TTLL11: variants seen among roughly 807,000 people sequenced by gnomAD.
TTLL11 encodes tubulin tyrosine ligase like 11.
A neutral mutation model predicts 51.7 loss-of-function variants in TTLL11; 42 were observed. The ratio of observed to expected loss-of-function variants is 0.81; its 90% CI spans 0.64 to 1.05. The LOEUF is 1.05. TTLL11 is among the 50% of genes least tolerant of loss of function. The probability of loss-of-function intolerance (pLI) is 0.00; values close to 1 mark genes in which losing one functional copy is unlikely to be tolerated. For missense variants in TTLL11, 799 were observed against 940.4 expected (o/e 0.85, Z 1.97); for synonymous variants, 381 against 383.5 (o/e 0.99, Z 0.08).
intron 8 of TTLL11, among the ~76,000 whole-genome samples, chr9:121,831,669 C>T (rs759026142): frequency 4.0e-4 from 60 of 149,526 alleles, no homozygotes; most frequent in Non-Finnish European, 6.3e-4. Context: ...CACTTTACTC[C>T]AGCCTGGGCA....
intron 3 of TTLL11, among the ~76,000 whole-genome samples, chr9:122,010,354 C>A (rs1056623143): frequency 6.6e-6 from 1 of 152,198 alleles, no homozygotes; most frequent in Non-Finnish European, 1.5e-5. Context: ...CCCTTTAGAG[C>A]CTCCTCAATG....
chr9:121,836,481 C>T (rs1837182193), intron 8 of TTLL11, among the ~76,000 whole-genome samples: 1 of 152,214 alleles, frequency 6.6e-6, no homozygotes, highest in Non-Finnish European at 1.5e-5. Context: ...GCCATGTGCT[C>T]TCTGCTCTCT....
At chr9:122,074,568 A>C (rs1350082790) in intron 1 of TTLL11, among the ~76,000 whole-genome samples, 1 of 152,096 alleles carries the variant, frequency 6.6e-6, no homozygotes, top group Non-Finnish European at 1.5e-5. Flanking sequence ...TTATTTTAAT[A>C]AGCCAGTATG....
intron 3 of TTLL11, among the ~76,000 whole-genome samples, chr9:121,998,368 C>A (rs1252332250): frequency 6.6e-6 from 1 of 152,068 alleles, no homozygotes; most frequent in East Asian, 1.9e-4. Flanking sequence ...CTCACTGCAA[C>A]CTCCGCCTCC....
At position 121,995,993 on chromosome 9, in the gene TTLL11, T is replaced by C. The variant is rs1843248651; in HGVS notation, c.694-6223A>G. ...AACATTTTCAGCACTCCCTGGCTTT[T>C]GAAGAGTTCCAGTTAAGAAAATCTA... On this transcript the variant is annotated intron_variant, in intron 3 of 8. Coordinates refer to ENST00000321582, the MANE Select transcript of TTLL11 (RefSeq NM_001139442.2). This position sits in a 1 kb window ranked among gnomAD's most constrained non-coding sequence, Gnocchi z 4.4. Among the ~76,000 whole-genome samples, 1 of 152,212 alleles carries C rather than the reference T, an allele frequency of 6.6e-6. No individual in the cohort carries two copies. The highest frequency in any genetic ancestry group is 1.5e-5 in the Non-Finnish European group (1 of 68,042).
chr9:122,021,519 G>C (rs757835966), intron 3 of TTLL11, among the ~76,000 whole-genome samples: 3 of 152,176 alleles, frequency 2.0e-5, no homozygotes, highest in Non-Finnish European at 4.4e-5. Flanking sequence ...GCCAGGAGTA[G>C]TGTCTTTCTC....
At chr9:121,867,833 C>T (rs1838226371) in intron 7 of TTLL11, among the ~76,000 whole-genome samples, 1 of 152,174 alleles carries the variant, frequency 6.6e-6, no homozygotes. Context: ...GTGTTCACTG[C>T]ATGCTATCTG....
chr9:121,965,897 C>T (rs1320609514), intron 6 of TTLL11, among the ~76,000 whole-genome samples: 1 of 152,168 alleles, frequency 6.6e-6, no homozygotes, highest in Non-Finnish European at 1.5e-5. Flanking sequence ...AAGGCCCAGC[C>T]ACAAAACAGA....
At chr9:122,034,162 C>T (rs536926021) in intron 2 of TTLL11, among the ~76,000 whole-genome samples, 3 of 152,322 alleles carry the variant, frequency 2.0e-5, no homozygotes, top group East Asian at 3.9e-4. Flanking sequence ...ACTTTAAAGT[C>T]GTTGTGCCGG....
chr9:121,902,417 C>T (rs543246973), intron 6 of TTLL11, among the ~76,000 whole-genome samples: 117 of 152,232 alleles, frequency 7.7e-4, no homozygotes, highest in African/African-American at 2.7e-3. Flanking sequence ...TTGTTCTGTG[C>T]GAGGCATTTC....
intron 6 of TTLL11, among the ~76,000 whole-genome samples, chr9:121,923,425 A>AT (rs887234294): frequency 1.1e-4 from 16 of 151,424 alleles, no homozygotes; most frequent in African/African-American, 3.7e-4. Flanking sequence ...GGGTTGGAGT[A>AT]TTTTTTTCCA....
intron 4 of TTLL11, among the ~76,000 whole-genome samples, chr9:121,977,109 C>CTG (rs1842728915): frequency 6.6e-6 from 1 of 152,168 alleles, no homozygotes; most frequent in Non-Finnish European, 1.5e-5. Context: ...GGTGGGAATG[C>CTG]TGGGAGCTGG....
Position 121,822,428 on chromosome 9 carries a change from G to T in TTLL11, c.*159C>A. On this transcript the variant is annotated 3_prime_UTR_variant, in exon 9 of 9. Coordinates refer to ENST00000321582, the MANE Select transcript of TTLL11 (RefSeq NM_001139442.2). The surrounding 1 kb of genome is among the most constrained non-coding windows in gnomAD (Gnocchi z 5.8). The stretch of plus-strand genomic sequence containing the variant: ...AAGGCAGGTGAGAACCAGCCAGCCT[G>T]GTGAAGCACAGCTCAGCCGCACACA... The T allele has an allele frequency of 1.6e-6, 1 of 617,894 alleles. No homozygotes were observed. Among genetic ancestry groups the T allele is most frequent in the Non-Finnish European group, 2.6e-6 (1 of 391,602 alleles). The allele number at this position is 617,894 out of a possible 1,614,324, so 38.3% of individuals were successfully genotyped here.
chr9:121,898,528 G>A (rs145139138), intron 6 of TTLL11, among the ~76,000 whole-genome samples: 4 of 152,360 alleles, frequency 2.6e-5, no homozygotes, highest in Non-Finnish European at 4.4e-5. Flanking sequence ...GGCCAGGCCT[G>A]GAAGGCAAAA....
rs962583641 is a variant in TTLL11, at chr9:121,996,000, T to G, written c.694-6230A>C. 4.0e-5 allele frequency among the ~76,000 whole-genome samples: 6 copies of G among 151,886 alleles called. No individual in the cohort carries two copies. The highest frequency in any genetic ancestry group is 7.3e-5 in the African/African-American group (3 of 41,348). On this transcript the variant is annotated intron_variant, in intron 3 of 8. Coordinates refer to ENST00000321582, the MANE Select transcript of TTLL11 (RefSeq NM_001139442.2). The surrounding 1 kb of genome is among the most constrained non-coding windows in gnomAD (Gnocchi z 4.4). ...TCAGCACTCCCTGGCTTTTGAAGAG[T>G]TCCAGTTAAGAAAATCTAAGCAGCA...
chr9:121,896,865 A>G, intron 6 of TTLL11, among the ~76,000 whole-genome samples: 1 of 152,210 alleles, frequency 6.6e-6, no homozygotes, highest in Non-Finnish European at 1.5e-5. Flanking sequence ...AAAAACGCGT[A>G]CAGGGATCCG....
chr9:121,918,383 T>C (rs1434539726), intron 6 of TTLL11, among the ~76,000 whole-genome samples: 8 of 152,052 alleles, frequency 5.3e-5, no homozygotes, highest in Admixed American at 5.2e-4. Context: ...CCCAAGAGGG[T>C]AGCAACTGCC....
intron 3 of TTLL11, among the ~76,000 whole-genome samples, chr9:122,028,042 T>C (rs894643415): frequency 5.9e-5 from 9 of 152,212 alleles, no homozygotes; most frequent in African/African-American, 1.7e-4. Context: ...TTACTTGAAG[T>C]ATGTAATACT....
At chr9:122,073,568 T>C (rs1845784045) in intron 1 of TTLL11, among the ~76,000 whole-genome samples, 1 of 152,086 alleles carries the variant, frequency 6.6e-6, no homozygotes, top group Non-Finnish European at 1.5e-5. Flanking sequence ...GGAAGGCTTC[T>C]TAAAGAAAGT....
Sources: allele counts gnomAD v4.1 joint callset (sites outside exome capture counted in the v4.1 genomes callset), GRCh38; gene constraint gnomAD v4.1.1; non-coding constraint Gnocchi (gnomAD v3.1); transcripts MANE v1.5; gene names NCBI Gene and HGNC (gene_info 2026-07-23, HGNC 2026-07-21).